The following DLG2 variants were observed in gnomAD, a reference collection of about 807,000 sequenced individuals.
DLG2 encodes disks large homolog 2.
In DLG2, 45 loss-of-function variants were observed where a neutral mutation model predicts 132.5. That is an observed-to-expected ratio of 0.34 (90% CI 0.27 to 0.44). The LOEUF (loss-of-function observed/expected upper bound fraction) is 0.44. DLG2 is among the 20% of genes least tolerant of loss of function. The probability of loss-of-function intolerance (pLI) is 1.00; values close to 1 mark genes in which losing one functional copy is unlikely to be tolerated. For missense variants in DLG2, 1,045 were observed against 1,196.9 expected, an observed-to-expected ratio of 0.87 and a Z score of 1.87; for synonymous variants, 424 against 419.6, an observed-to-expected ratio of 1.01 and a Z score of -0.13.
chr11:84,906,982 A>C (rs2091588255), intron 6 of DLG2, among the ~76,000 whole-genome samples: 1 of 152,218 alleles, frequency 6.6e-6, no homozygotes, highest in Non-Finnish European at 1.5e-5. Context: ...GAGAAAGCCA[A>C]AAGGCCAAAA....
intron 21 of DLG2, among the ~76,000 whole-genome samples, chr11:83,495,363 A>G (rs913819350): frequency 1.3e-5 from 2 of 152,136 alleles, no homozygotes; most frequent in Non-Finnish European, 2.9e-5. Context: ...CTACTTCAGA[A>G]TTGTAATTGA....
intron 19 of DLG2, among the ~76,000 whole-genome samples, chr11:83,606,510 G>GA (rs887309862): frequency 1.3e-5 from 2 of 151,930 alleles, no homozygotes; most frequent in East Asian, 1.9e-4. Flanking sequence ...TTTGAAATCA[G>GA]AAAAAACAAT....
chr11:85,061,554 T>C (rs1295162113), intron 6 of DLG2, among the ~76,000 whole-genome samples: 3 of 151,908 alleles, frequency 2.0e-5, no homozygotes, highest in Non-Finnish European at 2.9e-5. Context: ...AAAATAATGC[T>C]GTAAAAACTG....
chr11:84,070,220 T>C (rs2096736174), intron 10 of DLG2, among the ~76,000 whole-genome samples: 1 of 152,226 alleles, frequency 6.6e-6, no homozygotes. Flanking sequence ...CATCATTGTA[T>C]GACTTCTAAA....
At chr11:85,615,765 T>A (rs560187484) in intron 2 of DLG2, among the ~76,000 whole-genome samples, 10 of 152,198 alleles carry the variant, frequency 6.6e-5, no homozygotes, top group South Asian at 2.1e-4. Flanking sequence ...CTGTTTTTTT[T>A]AAAAACACGC....
At position 85,550,454 on chromosome 11, in the gene DLG2, C is replaced by T. The variant is rs1017082712; in HGVS notation, c.40+48203G>A. On this transcript the variant is annotated intron_variant, in intron 3 of 27. Transcript: ENST00000376104. ...CTGCACCCACTCACCTGCGTGCTCC[C>T]TCCTGCAAGGGGTGGAATGCAGCAG... is the stretch of plus-strand genomic sequence containing the variant. Among the ~76,000 whole-genome samples, 2 of 152,232 alleles carry T rather than the reference C, an allele frequency of 1.3e-5. 1 individual carries two copies. Among genetic ancestry groups the T allele is most frequent in the South Asian group, 4.1e-4 (2 of 4,834 alleles).
At chr11:84,573,826 A>C (rs1409294617) in intron 6 of DLG2, among the ~76,000 whole-genome samples, 2 of 152,190 alleles carry the variant, frequency 1.3e-5, no homozygotes, top group Admixed American at 6.5e-5. Flanking sequence ...ATGTTAGTCC[A>C]TAACAATCAT....
chr11:84,722,957 G>A (rs1047857423), intron 6 of DLG2, among the ~76,000 whole-genome samples: 1 of 152,092 alleles, frequency 6.6e-6, no homozygotes, highest in Non-Finnish European at 1.5e-5. Context: ...GCAAAACTCT[G>A]GTCTGAGGCC....
At chr11:85,013,974 T>C (rs920522233) in intron 6 of DLG2, among the ~76,000 whole-genome samples, 2 of 152,184 alleles carry the variant, frequency 1.3e-5, no homozygotes, top group Non-Finnish European at 2.9e-5. Context: ...TTTATTTGTA[T>C]GTCATGTTAG....
intron 6 of DLG2, among the ~76,000 whole-genome samples, chr11:84,914,023 T>C (rs2092296373): frequency 6.6e-6 from 1 of 152,208 alleles, no homozygotes; most frequent in Non-Finnish European, 1.5e-5. Flanking sequence ...CCAATGTAAG[T>C]ACTCCTTGAA....
At chr11:84,623,141 T>A (rs986301597) in intron 6 of DLG2, among the ~76,000 whole-genome samples, 9 of 152,194 alleles carry the variant, frequency 5.9e-5, no homozygotes, top group Non-Finnish European at 1.3e-4. Flanking sequence ...TATCATTACA[T>A]GACTCCCTAC....
chr11:83,932,042 T>G (rs2080337880), intron 14 of DLG2, among the ~76,000 whole-genome samples: 1 of 152,232 alleles, frequency 6.6e-6, no homozygotes, highest in South Asian at 2.1e-4. Flanking sequence ...CAGTTTCTTT[T>G]GTTGATTGTG....
At position 84,628,731 on chromosome 11, in the gene DLG2, T is replaced by C. The variant is rs557624237; in HGVS notation, c.358-94000A>G. On this transcript the variant is annotated intron_variant, in intron 6 of 27. Transcript: ENST00000376104. The stretch of plus-strand genomic sequence containing the variant: ...ATTTTTTGTCTCAGAAGTCACTTGG[T>C]GGGTTGGAGACAAAGATGTCAGTTT... Among the ~76,000 whole-genome samples, 103 of 152,324 alleles carry C rather than the reference T, an allele frequency of 6.8e-4. 1 individual carries two copies. The South Asian group carries it at 0.02, about 30-fold the overall frequency.
At chr11:85,465,683 A>G (rs961767577) in intron 3 of DLG2, among the ~76,000 whole-genome samples, 3 of 152,146 alleles carry the variant, frequency 2.0e-5, no homozygotes, top group African/African-American at 4.8e-5. Flanking sequence ...TGTGTGCCAC[A>G]TTGTCTTAAT....
intron 3 of DLG2, among the ~76,000 whole-genome samples, chr11:85,543,831 GTTGT>G (rs879778502): frequency 3.1e-4 from 44 of 144,020 alleles, no homozygotes; most frequent in South Asian, 1.8e-3. Context: ...TTTTGATGGG[GTTGT>G]TTGTTTTTTT....
chr11:85,516,266 C>T (rs1321880293), intron 3 of DLG2, among the ~76,000 whole-genome samples: 1 of 151,912 alleles, frequency 6.6e-6, no homozygotes, highest in South Asian at 2.1e-4. Context: ...AAAAGAGACA[C>T]AATACACCAA....
At chr11:83,654,908 T>G (rs1240629035) in intron 18 of DLG2, among the ~76,000 whole-genome samples, 1 of 152,218 alleles carries the variant, frequency 6.6e-6, no homozygotes, top group Non-Finnish European at 1.5e-5. Flanking sequence ...GGATAAGATG[T>G]CTTGGGGACT....
chr11:83,816,639 A>C (rs1227190333), intron 17 of DLG2, among the ~76,000 whole-genome samples: 1 of 152,164 alleles, frequency 6.6e-6, no homozygotes, highest in Non-Finnish European at 1.5e-5. Flanking sequence ...AATTATAACT[A>C]CTAAACCCAT....
chr11:84,769,999 T>C (rs960091786), intron 6 of DLG2, among the ~76,000 whole-genome samples: 2 of 152,176 alleles, frequency 1.3e-5, no homozygotes, highest in African/African-American at 4.8e-5. Context: ...GCAAATCTCA[T>C]GTTAAAATAT....
Sources: allele counts gnomAD v4.1 joint callset (sites outside exome capture counted in the v4.1 genomes callset), GRCh38; gene constraint gnomAD v4.1.1; transcripts MANE v1.5; gene names NCBI Gene and HGNC (gene_info 2026-07-23, HGNC 2026-07-21).